SYNPR: variants seen among roughly 807,000 people sequenced by gnomAD.
The protein encoded by SYNPR is synaptoporin.
In SYNPR, 23 loss-of-function variants were observed where a neutral mutation model predicts 32.9. That is an observed-to-expected ratio of 0.70 (90% CI 0.50 to 0.99). The LOEUF (loss-of-function observed/expected upper bound fraction) is 0.99. SYNPR is among the 50% of genes least tolerant of loss of function. SYNPR has a pLI of 0.00. For synonymous variants in SYNPR, 146 were observed against 135.9 expected, an observed-to-expected ratio of 1.07 and a Z score of -0.52; for missense variants, 318 against 349.3, an observed-to-expected ratio of 0.91 and a Z score of 0.71.
At chr3:63,310,111 T>C (rs1404821260) in intron 2 of SYNPR, among the ~76,000 whole-genome samples, 1 of 151,836 alleles carries the variant, frequency 6.6e-6, no homozygotes, top group Non-Finnish European at 1.5e-5. Flanking sequence ...TGCCTCCAAC[T>C]CCCCACCCCA....
intron 2 of SYNPR, among the ~76,000 whole-genome samples, chr3:63,353,520 G>A (rs967462983): frequency 2.6e-5 from 4 of 152,194 alleles, no homozygotes; most frequent in African/African-American, 9.7e-5. Context: ...TGTCCACACA[G>A]CCCTAAAGTG....
At chr3:63,259,004 C>A (rs1337172934) in intron 2 of SYNPR, among the ~76,000 whole-genome samples, 1 of 151,966 alleles carries the variant, frequency 6.6e-6, no homozygotes, top group African/African-American at 2.4e-5. Context: ...ACACATACAC[C>A]CTCCCAAGAC....
chr3:63,265,067 A>G, intron 2 of SYNPR, among the ~76,000 whole-genome samples: 1 of 152,120 alleles, frequency 6.6e-6, no homozygotes, highest in East Asian at 1.9e-4. Flanking sequence ...CTTGCTCTCT[A>G]AAAGAAAATA....
At chr3:63,425,369 T>C (rs1699874070) in intron 2 of SYNPR, among the ~76,000 whole-genome samples, 2 of 152,154 alleles carry the variant, frequency 1.3e-5, no homozygotes, top group South Asian at 4.1e-4. Flanking sequence ...TTAAAGAGAC[T>C]GAAAAGAGAT....
At chr3:63,415,132 C>A (rs922495700) in intron 2 of SYNPR, among the ~76,000 whole-genome samples, 6 of 152,136 alleles carry the variant, frequency 3.9e-5, no homozygotes, top group African/African-American at 1.4e-4. Flanking sequence ...TCTTTTCCTA[C>A]TTTTTACTGT....
intron 2 of SYNPR, among the ~76,000 whole-genome samples, chr3:63,365,289 A>G (rs1172847978): frequency 1.3e-5 from 2 of 152,204 alleles, no homozygotes; most frequent in Admixed American, 6.5e-5. Flanking sequence ...ATATAGTTTC[A>G]AACTTGAAGG....
upstream of SYNPR, among the ~76,000 whole-genome samples, chr3:63,223,468 C>T (rs142452842): frequency 5.3e-3 from 804 of 152,004 alleles, 3 homozygotes; most frequent in Non-Finnish European, 7.8e-3. Flanking sequence ...TGGTGGGAGA[C>T]GGGCTTGGTA....
chr3:63,230,352 G>C (rs2086157518), intron 1 of SYNPR, among the ~76,000 whole-genome samples: 1 of 152,170 alleles, frequency 6.6e-6, no homozygotes. Flanking sequence ...ACAGTAAATA[G>C]AGCATGAAAA....
intron 4 of SYNPR, among the ~76,000 whole-genome samples, chr3:63,597,704 G>C (rs1456970784): frequency 6.6e-6 from 1 of 152,148 alleles, no homozygotes; most frequent in African/African-American, 2.4e-5. Context: ...TGACAACTTG[G>C]ACACATCACT....
intron 3 of SYNPR, among the ~76,000 whole-genome samples, chr3:63,484,771 G>T (rs1381780617): frequency 6.6e-6 from 1 of 151,954 alleles, no homozygotes; most frequent in African/African-American, 2.4e-5. Flanking sequence ...TTAAACTTTT[G>T]GATTTTTAAA....
At chr3:63,442,164 A>AGTGTGT (rs34163380) in intron 2 of SYNPR, among the ~76,000 whole-genome samples, 14,661 of 148,282 alleles carry the variant, frequency 0.099, 1,280 homozygotes, top group African/African-American at 0.23. Context: ...TGGTAGTGAT[A>AGTGTGT]GTGTGTGTGT....
At chr3:63,381,834 T>A (rs951577245) in intron 2 of SYNPR, among the ~76,000 whole-genome samples, 5 of 152,204 alleles carry the variant, frequency 3.3e-5, no homozygotes, top group Admixed American at 2.6e-4. Flanking sequence ...TACTGAAACA[T>A]CTCTTTAAAT....
chr3:63,530,954 G>A (rs1702102501), intron 3 of SYNPR, among the ~76,000 whole-genome samples: 2 of 152,092 alleles, frequency 1.3e-5, no homozygotes, highest in African/African-American at 4.8e-5. Context: ...AGCTGAATTT[G>A]AATGATGAGT....
intron 2 of SYNPR, among the ~76,000 whole-genome samples, chr3:63,467,395 G>A (rs577121568): frequency 9.9e-5 from 15 of 152,112 alleles, no homozygotes; most frequent in Non-Finnish European, 1.3e-4. Context: ...TTCTAACAGC[G>A]ACCAATTCAA....
chr3:63,562,644 C>T (rs184418078), intron 4 of SYNPR, among the ~76,000 whole-genome samples: 7 of 152,248 alleles, frequency 4.6e-5, no homozygotes, highest in East Asian at 3.9e-4. Flanking sequence ...CTGGGAGAGA[C>T]GTAGTGCAAT....
At chr3:63,260,721 G>A (rs918751548) in intron 2 of SYNPR, among the ~76,000 whole-genome samples, 1 of 151,882 alleles carries the variant, frequency 6.6e-6, no homozygotes, top group African/African-American at 2.4e-5. Flanking sequence ...ATTGACAAAT[G>A]GGATCTAATT....
intron 2 of SYNPR, among the ~76,000 whole-genome samples, chr3:63,476,652 G>A (rs1171347428): frequency 6.6e-6 from 1 of 152,066 alleles, no homozygotes; most frequent in African/African-American, 2.4e-5. Flanking sequence ...ATCCTAACTT[G>A]GGAAGTCTAG....
At chr3:63,283,280 T>C (rs1362694864) in intron 2 of SYNPR, among the ~76,000 whole-genome samples, 1 of 152,182 alleles carries the variant, frequency 6.6e-6, no homozygotes, top group South Asian at 2.1e-4. Flanking sequence ...TTAGGAAGGG[T>C]TCACGGATAC....
In SYNPR at chr3:63,609,451, C is replaced by T. The variant is rs894111656; in HGVS notation, c.600+135C>T. Reference sequence around the variant, plus strand: ...CCAATCAAAAGGTGAGATACTTCACCTCAGGTACAGGATGATCACTTGGCC... The same window carrying T: ...CCAATCAAAAGGTGAGATACTTCACTTCAGGTACAGGATGATCACTTGGCC... On this transcript the variant is annotated intron_variant, in intron 5 of 5. Transcript: ENST00000478300. The T allele has an allele frequency of 4.6e-5, 32 of 690,256 alleles. No individual in the cohort carries two copies. The African/African-American group carries it at 5.5e-4, about 12-fold the overall frequency. 42.8% of individuals were successfully genotyped at this position (690,256 alleles called of 1,614,324 possible).
Sources: allele counts gnomAD v4.1 joint callset (sites outside exome capture counted in the v4.1 genomes callset), GRCh38; gene constraint gnomAD v4.1.1; transcripts MANE v1.5; gene names NCBI Gene and HGNC (gene_info 2026-07-23, HGNC 2026-07-21).